Variants in ERC1 observed in about 807,000 individuals in gnomAD.
ERC1 encodes the protein RAB6 interacting protein 2.
Under a neutral mutation model 132.0 loss-of-function variants are expected in ERC1, and 56 were observed. The observed-to-expected ratio is 0.42, with a 90% CI of 0.34 to 0.53. ERC1 has a LOEUF of 0.53. Among genes scored for constraint, ERC1 ranks in the 20% least tolerant of loss-of-function variants. The pLI is 0.03. For missense variants in ERC1, 1,202 were observed against 1,349.9 expected (o/e 0.89, Z 1.72); for synonymous variants, 478 against 476.1 (o/e 1.00, Z -0.05).
chr12:1,009,335 C>T (rs557932500), intron 1 of ERC1, among the ~76,000 whole-genome samples: 4 of 152,118 alleles, frequency 2.6e-5, no homozygotes, highest in South Asian at 4.1e-4. Flanking sequence ...CCACCACGCC[C>T]GGCTAATTTT....
chr12:1,293,608 A>T (rs147303635), intron 15 of ERC1, among the ~76,000 whole-genome samples: 3,431 of 151,248 alleles, frequency 0.023, 160 homozygotes, highest in African/African-American at 0.08. Flanking sequence ...CCGCCTGGGC[A>T]ACAAGAGTGA....
intron 15 of ERC1, among the ~76,000 whole-genome samples, chr12:1,321,067 G>T (rs529706150): frequency 1.3e-5 from 2 of 152,216 alleles, no homozygotes; most frequent in Non-Finnish European, 2.9e-5. Flanking sequence ...TTTACAAGGG[G>T]AAGGGTATAA....
chr12:1,297,393 A>T (rs193302161), intron 15 of ERC1, among the ~76,000 whole-genome samples: 4 of 152,134 alleles, frequency 2.6e-5, no homozygotes, highest in Admixed American at 1.3e-4. Context: ...ATGAATCTAC[A>T]GGAAGGAATG....
chr12:1,361,552 A>T (rs1320370861), intron 15 of ERC1, among the ~76,000 whole-genome samples: 2 of 152,198 alleles, frequency 1.3e-5, no homozygotes, highest in Non-Finnish European at 2.9e-5. Flanking sequence ...CTTAAATACC[A>T]GGAGCCCTGC....
intron 18 of ERC1, among the ~76,000 whole-genome samples, chr12:1,447,079 G>T (rs776949183): frequency 2.5e-4 from 37 of 150,446 alleles, no homozygotes; most frequent in Non-Finnish European, 4.3e-4. Flanking sequence ...AGCTCTTTTT[G>T]ATATTGATAA....
chr12:1,070,395 G>T lies in ERC1; in HGVS notation c.670-12769G>T, dbSNP rs1033195444. Among the ~76,000 whole-genome samples, 9 of 151,868 alleles carry T rather than the reference G, an allele frequency of 5.9e-5. No homozygotes were observed. In the East Asian group the frequency reaches 1.7e-3, roughly 29 times the overall value. On this transcript the variant is annotated intron_variant, in intron 2 of 18. Transcript: ENST00000360905. ...GGTTCACTGCAGCCTCAGACTCCTG[G>T]GCTCAGGGAAACCTCCTGAGTATCT...
At chr12:1,007,540 C>CTCTCTCTCTGTGTGTGTGTGTG (rs1555194875) in intron 1 of ERC1, among the ~76,000 whole-genome samples, 4 of 122,710 alleles carry the variant, frequency 3.3e-5, no homozygotes, top group South Asian at 2.6e-4. Context: ...CTCTCTCTCT[C>CTCTCTCTCTGTGTGTGTGTGTG]TGTGTGTGTG....
chr12:1,255,167 C>T (rs1444750043), intron 13 of ERC1, among the ~76,000 whole-genome samples: 1 of 149,326 alleles, frequency 6.7e-6, no homozygotes, highest in Non-Finnish European at 1.5e-5. Flanking sequence ...GATTGTTCAA[C>T]TCCCACTTAT....
At chr12:1,221,871 A>G (rs1026253789) in intron 12 of ERC1, among the ~76,000 whole-genome samples, 1 of 152,134 alleles carries the variant, frequency 6.6e-6, no homozygotes, top group African/African-American at 2.4e-5. Context: ...TGCAATATAT[A>G]TAGTCATGAG....
intron 7 of ERC1, among the ~76,000 whole-genome samples, chr12:1,120,008 G>A (rs745306247): frequency 1.3e-5 from 2 of 149,932 alleles, no homozygotes; most frequent in South Asian, 2.1e-4. Context: ...TTTTTTTTGC[G>A]ACAAGGTTTC....
At chr12:1,187,088 C>T (rs1955181830) in intron 11 of ERC1, among the ~76,000 whole-genome samples, 1 of 152,150 alleles carries the variant, frequency 6.6e-6, no homozygotes, top group South Asian at 2.1e-4. Flanking sequence ...ACCTCGGCCT[C>T]CCAAAGTGAT....
intron 18 of ERC1, among the ~76,000 whole-genome samples, chr12:1,455,883 TG>T (rs2093522942): frequency 6.6e-6 from 1 of 152,228 alleles, no homozygotes; most frequent in African/African-American, 2.4e-5. Flanking sequence ...GTACTGAACA[TG>T]TGCTACACAT....
At chr12:1,440,866 G>A (rs1051309762) in intron 17 of ERC1, among the ~76,000 whole-genome samples, 9 of 151,266 alleles carry the variant, frequency 5.9e-5, no homozygotes, top group Non-Finnish European at 8.8e-5. Context: ...GACTGCTCTC[G>A]AACTCCTGTC....
chr12:1,447,667 G>T (rs576558013), intron 18 of ERC1, among the ~76,000 whole-genome samples: 80 of 145,986 alleles, frequency 5.5e-4, no homozygotes, highest in African/African-American at 2.0e-3. Flanking sequence ...TTTTTGTTTT[G>T]GAGACAGAGT....
chr12:1,476,899 T>G (rs2093985612), intron 18 of ERC1, among the ~76,000 whole-genome samples: 3 of 152,202 alleles, frequency 2.0e-5, no homozygotes, highest in African/African-American at 7.2e-5. Flanking sequence ...ATTAATAAAA[T>G]GGATTACAAT....
intron 3 of ERC1, among the ~76,000 whole-genome samples, chr12:1,099,581 C>T (rs1320386199): frequency 6.6e-6 from 1 of 152,124 alleles, no homozygotes; most frequent in Non-Finnish European, 1.5e-5. Flanking sequence ...ATGAATTATA[C>T]AGTTACTTAA....
intron 18 of ERC1, among the ~76,000 whole-genome samples, chr12:1,461,782 C>G (rs909978365): frequency 2.0e-5 from 3 of 152,168 alleles, no homozygotes; most frequent in African/African-American, 7.2e-5. Context: ...AGGCACCTAA[C>G]ATATATTGCT....
intron 14 of ERC1, among the ~76,000 whole-genome samples, chr12:1,270,656 A>G (rs1330376741): frequency 6.6e-6 from 1 of 151,606 alleles, no homozygotes; most frequent in Non-Finnish European, 1.5e-5. Context: ...TAATTTTCTT[A>G]TAATATTTAA....
chr12:1,364,688 G>GCTT (rs1357671842), intron 15 of ERC1, among the ~76,000 whole-genome samples: 2 of 152,126 alleles, frequency 1.3e-5, no homozygotes, highest in Admixed American at 1.3e-4. Flanking sequence ...ATTTCTCTCT[G>GCTT]CTGTACTACC....
Sources: gnomAD v4.1 joint callset for allele counts (sites outside exome capture counted in the v4.1 genomes callset) on GRCh38, gnomAD v4.1.1 for gene constraint, MANE v1.5 for transcripts, NCBI Gene and HGNC (gene_info 2026-07-23, HGNC 2026-07-21) for gene names.